The following FAM120A variants were observed in gnomAD, a reference collection of about 807,000 sequenced individuals.
FAM120A encodes the protein family with sequence similarity 120 member A, also known as constitutive coactivator of PPAR-gamma-like protein 1.
Under a neutral mutation model 109.7 loss-of-function variants are expected in FAM120A, and 15 were observed. The observed-to-expected ratio is 0.14, with a 90% CI of 0.09 to 0.21. FAM120A has a LOEUF of 0.21. FAM120A is among the 10% of genes least tolerant of loss of function. The pLI is 1.00. For synonymous variants in FAM120A, 493 were observed against 572.8 expected, an observed-to-expected ratio of 0.86 and a Z score of 1.99; for missense variants, 899 against 1,439.3, an observed-to-expected ratio of 0.62 and a Z score of 6.07.
chr9:93,529,642 G>A (rs1414144201), intron 9 of FAM120A, 62 bp downstream of exon 9: 3 of 1,456,018 alleles, frequency 2.1e-6, no homozygotes, highest in East Asian at 2.3e-5. Flanking sequence ...TCCTATGGGT[G>A]TTTTGTCCTT....
intron 5 of FAM120A, among the ~76,000 whole-genome samples, chr9:93,499,556 G>A (rs1859713440): frequency 1.3e-5 from 2 of 152,126 alleles, no homozygotes; most frequent in Non-Finnish European, 2.9e-5. Context: ...CCAAAATGCT[G>A]GGATTACAGG....
At chr9:93,506,902 G>C (rs10733748) in intron 5 of FAM120A, among the ~76,000 whole-genome samples, 1 of 152,046 alleles carries the variant, frequency 6.6e-6, no homozygotes, top group East Asian at 1.9e-4. Context: ...ACACCTGGCC[G>C]GGGCACGATT....
chr9:93,452,778 C>T lies in FAM120A; in HGVS notation c.474+389C>T, dbSNP rs1857326807. 1 of 1,594,442 alleles carries T rather than the reference C, an allele frequency of 6.3e-7. No homozygotes were observed. Among genetic ancestry groups the T allele is most frequent in the Admixed American group, 1.7e-5 (1 of 58,998 alleles). On this transcript the variant is annotated intron_variant, in intron 1 of 17. Coordinates refer to ENST00000277165, the MANE Select transcript of FAM120A (RefSeq NM_014612.5). This position sits in a 1 kb window ranked among gnomAD's most constrained non-coding sequence, Gnocchi z 7.0. ...AAAATACTCCCTTTTCTAATTTAGC[C>T]TGTTCTTTCCCAGCAACAGGTTCAT...
intron 3 of FAM120A, among the ~76,000 whole-genome samples, chr9:93,480,270 G>T (rs1858739661): frequency 1.3e-5 from 2 of 152,228 alleles, no homozygotes; most frequent in South Asian, 4.1e-4. Context: ...GGGGTTAGGG[G>T]TCAGATAGCT....
chr9:93,467,680 T>C (rs1477227301), intron 1 of FAM120A, among the ~76,000 whole-genome samples: 1 of 152,236 alleles, frequency 6.6e-6, no homozygotes, highest in Non-Finnish European at 1.5e-5. Context: ...GTCAGATGTT[T>C]GTTTAATGCT....
chr9:93,515,096 A>G (rs1258171192), intron 5 of FAM120A, among the ~76,000 whole-genome samples: 1 of 152,258 alleles, frequency 6.6e-6, no homozygotes, highest in Non-Finnish European at 1.5e-5. Flanking sequence ...CATCCTGTAT[A>G]TGTGTTAAAA....
At position 93,452,593 on chromosome 9, in the gene FAM120A, G is replaced by T. The variant is rs1467990747; in HGVS notation, c.474+204G>T. ...CGCGCGCTGCCCAAGCCCGTCTCCA[G>T]CTGTCCCTGTTCGGGGTCCGCGGCC... On this transcript the variant is annotated intron_variant, in intron 1 of 17. Coordinates refer to ENST00000277165, the MANE Select transcript of FAM120A (RefSeq NM_014612.5). The surrounding 1 kb of genome is among the most constrained non-coding windows in gnomAD (Gnocchi z 7.0). 6.3e-7 allele frequency: 1 copy of T among 1,598,278 alleles called. No individual in the cohort carries two copies.
In FAM120A at chr9:93,498,772, T is replaced by C. The variant is rs149340704; in HGVS notation, c.934-18T>C. ...AGTGGCACACTAATTTATGAAGGTT[T>C]TCCTGCCTTTATTTCAGTCTAGAAC... On this transcript the variant is annotated intron_variant, in intron 4 of 17. Transcript: ENST00000277165. This position sits in a 1 kb window ranked among gnomAD's most constrained non-coding sequence, Gnocchi z 4.4. 5.0e-4 allele frequency: 754 copies of C among 1,495,926 alleles called. 3 individuals are homozygous for C. In the African/African-American group the frequency reaches 8.8e-3, roughly 18 times the overall value. 92.7% of individuals were successfully genotyped at this position (1,495,926 alleles called of 1,614,324 possible). A position where few individuals can be genotyped will look rare whatever the true frequency, so the allele number is the denominator to read the frequency against.
At chr9:93,525,605 T>C (rs1002116903) in intron 7 of FAM120A, among the ~76,000 whole-genome samples, 1 of 152,232 alleles carries the variant, frequency 6.6e-6, no homozygotes, top group Admixed American at 6.5e-5. Flanking sequence ...TTTTGCCCCC[T>C]GCGTCTCCCA....
intron 5 of FAM120A, among the ~76,000 whole-genome samples, chr9:93,510,379 T>C (rs565828124): frequency 5.1e-4 from 78 of 152,336 alleles, no homozygotes; most frequent in African/African-American, 1.8e-3. Context: ...AAGACTGCAG[T>C]GTGTGTCTTC....
At chr9:93,482,225 T>C (rs553888080) in intron 3 of FAM120A, among the ~76,000 whole-genome samples, 3 of 146,366 alleles carry the variant, frequency 2.0e-5, no homozygotes, top group Non-Finnish European at 4.5e-5. Flanking sequence ...TTTTGCTCCC[T>C]TGCCCAGGTT....
intron 7 of FAM120A, among the ~76,000 whole-genome samples, chr9:93,526,016 C>T (rs959206346): frequency 6.6e-6 from 1 of 152,190 alleles, no homozygotes; most frequent in Admixed American, 6.5e-5. Context: ...GGAGAATTAT[C>T]TGGTCTTAAA....
At chr9:93,468,966 C>A (rs1858185143) in intron 1 of FAM120A, among the ~76,000 whole-genome samples, 1 of 152,212 alleles carries the variant, frequency 6.6e-6, no homozygotes, top group Admixed American at 6.5e-5. Context: ...CCCCGCTTTT[C>A]CTCTTGATCC....
chr9:93,558,088 C>A (rs1385323844), intron 14 of FAM120A, 78 bp downstream of exon 14: 6 of 1,384,392 alleles, frequency 4.3e-6, no homozygotes, highest in Middle Eastern at 2.6e-4. Flanking sequence ...TATAGGCAAG[C>A]CCATCTGCTG....
intron 7 of FAM120A, among the ~76,000 whole-genome samples, chr9:93,521,257 T>C (rs1411223851): frequency 6.6e-6 from 1 of 152,114 alleles, no homozygotes; most frequent in South Asian, 2.1e-4. Flanking sequence ...TGGAAGAAAA[T>C]AGGCTGGTGC....
At chr9:93,530,277 A>T (rs1269428959) in intron 9 of FAM120A, 1 of 152,370 alleles carries the variant, frequency 6.6e-6, no homozygotes, top group African/African-American at 2.4e-5. Context: ...TGTAGTCTTT[A>T]TGTTGGCACT....
rs1215756138 is a variant in FAM120A, at chr9:93,564,231, C to T, written c.3048C>T (p.Gly1016=). The part of the protein sequence containing the change: ...RGYKNQAAIQ[G]RPPYAASAEE... ...TTGTTGTCCTTCATTTTAAACAGGG[C>T]AGACCTCCTTATGCTGCTTCAGCAG... The change falls in exon 18 of 18, where the codon GGC becomes GGT. Residue 1016 remains glycine (G), a splice_region_variant and synonymous_variant. Coordinates refer to ENST00000277165, the MANE Select transcript of FAM120A (RefSeq NM_014612.5). 1 of 1,607,880 alleles carries T rather than the reference C, an allele frequency of 6.2e-7. No individual in the cohort carries two copies.
intron 5 of FAM120A, among the ~76,000 whole-genome samples, chr9:93,510,282 A>G (rs4743926): frequency 0.91 from 139,113 of 152,274 alleles, 63,579 homozygotes; most frequent in East Asian, 1. Flanking sequence ...TCATGTGGCC[A>G]TTTTGGAAGG....
intron 1 of FAM120A, among the ~76,000 whole-genome samples, chr9:93,469,238 T>A (rs1858198100): frequency 6.6e-6 from 1 of 152,216 alleles, no homozygotes; most frequent in South Asian, 2.1e-4. Context: ...GTCTCTGAAC[T>A]CCCTGCTGAT....
Sources: allele counts gnomAD v4.1 joint callset (sites outside exome capture counted in the v4.1 genomes callset), GRCh38; gene constraint gnomAD v4.1.1; non-coding constraint Gnocchi (gnomAD v3.1); transcripts MANE v1.5; gene names NCBI Gene and HGNC (gene_info 2026-07-23, HGNC 2026-07-21).